Variants in PAK4 observed in about 807,000 individuals in gnomAD.
PAK4 encodes the protein p21 (RAC1) activated kinase 4.
In PAK4, 49 loss-of-function variants were observed where a neutral mutation model predicts 53.5. The observed-to-expected ratio is 0.92, with a 90% confidence interval of 0.73 to 1.16. The LOEUF is 1.16. PAK4 is among the 50% of genes most tolerant of loss of function. PAK4 has a pLI of 0.00. For synonymous variants in PAK4, 376 were observed against 375.6 expected (o/e 1.00, Z -0.01); for missense variants, 824 against 850.7 (o/e 0.97, Z 0.39).
chr19:39,154,703 A>G (rs999395072), intron 1 of PAK4, among the ~76,000 whole-genome samples: 25 of 152,194 alleles, frequency 1.6e-4, no homozygotes, highest in Middle Eastern at 3.4e-3. Flanking sequence ...GAGCTGTCCA[A>G]TCCCCATCCA....
chr19:39,126,326 T>A (rs2073576795), intron 1 of PAK4, among the ~76,000 whole-genome samples: 1 of 151,404 alleles, frequency 6.6e-6, no homozygotes, highest in Admixed American at 6.6e-5. Flanking sequence ...TTCGGGGGCG[T>A]CTTTTAGGGG....
intron 4 of PAK4, among the ~76,000 whole-genome samples, chr19:39,174,212 C>T (rs557323063): frequency 6.6e-6 from 1 of 151,854 alleles, no homozygotes; most frequent in African/African-American, 2.4e-5. Flanking sequence ...ACCCACATCT[C>T]TGTCCCTGAG....
At chr19:39,159,396 G>GT (rs943603036) in intron 1 of PAK4, among the ~76,000 whole-genome samples, 13 of 152,194 alleles carry the variant, frequency 8.5e-5, no homozygotes, top group Admixed American at 7.8e-4. Context: ...GACATGCAGG[G>GT]TTTTTTTCAG....
At chr19:39,160,597 C>T (rs890384624) in intron 1 of PAK4, among the ~76,000 whole-genome samples, 1 of 152,116 alleles carries the variant, frequency 6.6e-6, no homozygotes, top group Non-Finnish European at 1.5e-5. Flanking sequence ...TGCAGAGGCC[C>T]GGAGGCTGGA....
At chr19:39,174,638 G>A (rs1008379550) in intron 4 of PAK4, among the ~76,000 whole-genome samples, 72 of 152,028 alleles carry the variant, frequency 4.7e-4, no homozygotes, top group African/African-American at 1.4e-3. Context: ...GCCCTTGTCC[G>A]GGTCTCAGCC....
At chr19:39,137,163 T>G (rs1359210659) in intron 1 of PAK4, among the ~76,000 whole-genome samples, 1 of 152,110 alleles carries the variant, frequency 6.6e-6, no homozygotes, top group African/African-American at 2.4e-5. Context: ...GATTGTTTAT[T>G]TTTTTCCAAC....
chr19:39,177,529 C>A, intron 7 of PAK4, 146 bp from the exon 9 acceptor site: 1 of 793,650 alleles, frequency 1.3e-6, no homozygotes, highest in Non-Finnish European at 1.9e-6. Context: ...CTGTGGACTG[C>A]TGGCTGGGTG....
chr19:39,160,868 C>G (rs770971882), intron 1 of PAK4, among the ~76,000 whole-genome samples: 8 of 152,212 alleles, frequency 5.3e-5, no homozygotes, highest in Non-Finnish European at 8.8e-5. Context: ...TGTTTTTGTC[C>G]CATAAACCTC....
intron 1 of PAK4, among the ~76,000 whole-genome samples, chr19:39,143,495 A>T (rs1229413291): frequency 7.0e-6 from 1 of 143,752 alleles, no homozygotes; most frequent in Non-Finnish European, 1.5e-5. Flanking sequence ...TGGGAGGCTG[A>T]GGCAGGAGAA....
intron 2 of PAK4, among the ~76,000 whole-genome samples, 200 bp from the exon 4 acceptor site, chr19:39,172,718 C>T (rs2074506064): frequency 6.6e-6 from 1 of 152,136 alleles, no homozygotes; most frequent in Non-Finnish European, 1.5e-5. Context: ...ATGGCGATCA[C>T]TCCTCTGGCC....
intron 1 of PAK4, among the ~76,000 whole-genome samples, chr19:39,131,782 C>A (rs1384947289): frequency 1.3e-5 from 2 of 152,214 alleles, no homozygotes; most frequent in Admixed American, 1.3e-4. Context: ...CCTGCCAGGG[C>A]TGCTCAGTCC....
intron 1 of PAK4, among the ~76,000 whole-genome samples, chr19:39,157,197 C>G (rs1203264799): frequency 6.6e-6 from 1 of 151,192 alleles, no homozygotes; most frequent in Non-Finnish European, 1.5e-5. Flanking sequence ...GTCTCCTTGC[C>G]TACTGTGTGT....
At chr19:39,165,179 G>GGATGAT (rs200789343) in intron 1 of PAK4, among the ~76,000 whole-genome samples, 2 of 138,764 alleles carry the variant, frequency 1.4e-5, no homozygotes, top group African/African-American at 5.4e-5. Flanking sequence ...AGCCTTGAGA[G>GGATGAT]GATGATGATG....
intron 1 of PAK4, among the ~76,000 whole-genome samples, chr19:39,139,799 C>T (rs2073880642): frequency 6.6e-6 from 1 of 152,218 alleles, no homozygotes; most frequent in East Asian, 1.9e-4. Flanking sequence ...GCTGACTGTA[C>T]AGCTGTGGGG....
intron 1 of PAK4, among the ~76,000 whole-genome samples, chr19:39,129,326 T>TG: frequency 6.6e-6 from 1 of 152,174 alleles, no homozygotes; most frequent in Middle Eastern, 3.4e-3. Context: ...AGGAGTTGCC[T>TG]GTTCACCTGT....
chr19:39,177,801 C>G (rs571670873), exon 8 of PAK4: 2 of 1,612,594 alleles, frequency 1.2e-6, no homozygotes, highest in East Asian at 4.5e-5. Context: ...ACTGAAGAAC[C>G]TGCACAAGGT....
In PAK4 at chr19:39,175,544, C is replaced by T. The variant is rs1267704103; in HGVS notation, c.1359+106C>T. On this transcript the variant is annotated intron_variant, in intron 6 of 8. Coordinates refer to ENST00000358301, the Ensembl canonical transcript of PAK4. The surrounding 1 kb of genome is among the most constrained non-coding windows in gnomAD (Gnocchi z 4.7). ...GGTAGGTGAGCTCTGACCCCCAGGT[C>T]TGTGTCTTGAGGAGCTGGGAACTTC... is the stretch of plus-strand genomic sequence containing the variant. 7.9e-6 allele frequency: 10 copies of T among 1,261,934 alleles called. No homozygotes were observed. Among genetic ancestry groups the T allele is most frequent in the Non-Finnish European group, 1.1e-5 (10 of 911,030 alleles). The allele number at this position is 1,261,934 out of a possible 1,614,324, so 78.2% of individuals were successfully genotyped here.
At chr19:39,148,526 C>T (rs369767885) in intron 1 of PAK4, among the ~76,000 whole-genome samples, 19 of 115,182 alleles carry the variant, frequency 1.6e-4, no homozygotes, top group African/African-American at 6.0e-4. Flanking sequence ...CTGGAGTGGG[C>T]TCACTGCAGC....
At chr19:39,138,447 C>A (rs1411974258) in intron 1 of PAK4, among the ~76,000 whole-genome samples, 2 of 152,258 alleles carry the variant, frequency 1.3e-5, no homozygotes, top group African/African-American at 4.8e-5. Flanking sequence ...ACACCTGACA[C>A]TGAGTCTCCC....
Sources: gnomAD v4.1 joint callset for allele counts (sites outside exome capture counted in the v4.1 genomes callset) on GRCh38, gnomAD v4.1.1 for gene constraint, Gnocchi (gnomAD v3.1) non-coding constraint, MANE v1.5 for transcripts, NCBI Gene and HGNC (gene_info 2026-07-23, HGNC 2026-07-21) for gene names.